The following MAGI2 variants were observed in gnomAD, a reference collection of about 807,000 sequenced individuals.
MAGI2 encodes membrane associated guanylate kinase, WW and PDZ domain containing 2.
In MAGI2, 35 loss-of-function variants were observed where a neutral mutation model predicts 133.3. That is an observed-to-expected ratio of 0.26 (90% CI 0.20 to 0.35). MAGI2 has a LOEUF of 0.35. MAGI2 is among the 10% of genes least tolerant of loss of function. The pLI, the probability that MAGI2 is intolerant of heterozygous loss-of-function variation, is 1.00. For synonymous variants in MAGI2, 729 were observed against 710.6 expected (o/e 1.03, Z -0.41); for missense variants, 1,636 against 1,863.4 (o/e 0.88, Z 2.25).
intron 1 of MAGI2, among the ~76,000 whole-genome samples, chr7:79,358,867 A>G (rs192304972): frequency 1.3e-4 from 20 of 152,214 alleles, no homozygotes; most frequent in Non-Finnish European, 1.9e-4. Context: ...GTCAAGACAC[A>G]TGGGCAAGAC....
intron 6 of MAGI2, among the ~76,000 whole-genome samples, chr7:78,463,096 A>G (rs1355638321): frequency 6.6e-6 from 1 of 152,200 alleles, no homozygotes; most frequent in African/African-American, 2.4e-5. Context: ...TTGAAGAAAA[A>G]GGATGGTTCT....
intron 20 of MAGI2, among the ~76,000 whole-genome samples, chr7:78,114,626 T>C (rs1303458905): frequency 6.6e-6 from 1 of 152,202 alleles, no homozygotes; most frequent in Non-Finnish European, 1.5e-5. Flanking sequence ...AATGGGATTC[T>C]GCAGTGCTGA....
intron 1 of MAGI2, among the ~76,000 whole-genome samples, chr7:79,349,718 T>A (rs1228659856): frequency 6.6e-6 from 1 of 152,086 alleles, no homozygotes; most frequent in Admixed American, 6.6e-5. Context: ...ACCCTTTTCA[T>A]GAAGAATATT....
At chr7:79,357,812 T>A (rs375660542) in intron 1 of MAGI2, among the ~76,000 whole-genome samples, 2 of 152,204 alleles carry the variant, frequency 1.3e-5, no homozygotes, top group African/African-American at 4.8e-5. Flanking sequence ...CTAACCTCTT[T>A]GAATTTTATT....
chr7:78,430,329 A>G (rs1799678159), intron 6 of MAGI2, among the ~76,000 whole-genome samples: 14 of 147,722 alleles, frequency 9.5e-5, no homozygotes. Flanking sequence ...GCATGTAAAT[A>G]TGCATATATA....
intron 9 of MAGI2, among the ~76,000 whole-genome samples, chr7:78,321,738 A>G (rs1314311470): frequency 2.6e-5 from 4 of 152,222 alleles, no homozygotes; most frequent in Admixed American, 6.5e-5. Context: ...AAACACCAAA[A>G]GCAATGGCAA....
At chr7:79,096,730 A>G (rs183646620) in intron 1 of MAGI2, among the ~76,000 whole-genome samples, 43 of 152,264 alleles carry the variant, frequency 2.8e-4, no homozygotes, top group African/African-American at 9.1e-4. Context: ...TACCTCTAAA[A>G]AACCCTAAAT....
intron 1 of MAGI2, among the ~76,000 whole-genome samples, chr7:79,044,061 T>C (rs901198783): frequency 6.6e-6 from 1 of 152,114 alleles, no homozygotes; most frequent in African/African-American, 2.4e-5. Context: ...GTGGGACTGC[T>C]CCCTAACTCA....
intron 1 of MAGI2, chr7:79,411,438 T>C (rs1846134398): frequency 1.3e-5 from 2 of 152,108 alleles, no homozygotes. Context: ...AATAAAAACT[T>C]GTCCTGATGT....
intron 21 of MAGI2, chr7:78,072,902 C>A (rs1814861321): frequency 2.5e-6 from 1 of 398,666 alleles, no homozygotes; most frequent in East Asian, 3.6e-5. Context: ...AAGCAGTCCT[C>A]CTGCCTTGGC....
At chr7:78,195,748 G>A (rs888357407) in intron 11 of MAGI2, among the ~76,000 whole-genome samples, 5 of 152,130 alleles carry the variant, frequency 3.3e-5, no homozygotes, top group Admixed American at 3.3e-4. Flanking sequence ...TCACATACGT[G>A]ATCTTCTTGG....
At chr7:78,939,883 A>T (rs1800834482) in intron 2 of MAGI2, 1 of 152,242 alleles carries the variant, frequency 6.6e-6, no homozygotes, top group African/African-American at 2.4e-5. Context: ...TCATGCTGGC[A>T]GGTAGCTCAC....
intron 21 of MAGI2, among the ~76,000 whole-genome samples, chr7:78,051,341 G>C (rs1811984170): frequency 6.6e-6 from 1 of 152,144 alleles, no homozygotes; most frequent in Non-Finnish European, 1.5e-5. Context: ...ACAGCCCTCT[G>C]TTTCTGAGAA....
At chr7:78,545,482 G>A (rs1388656554) in intron 3 of MAGI2, among the ~76,000 whole-genome samples, 1 of 152,088 alleles carries the variant, frequency 6.6e-6, no homozygotes, top group Non-Finnish European at 1.5e-5. Context: ...AAAGTGCTGG[G>A]ATTACAGGTG....
Position 79,189,686 on chromosome 7 carries a change from C to T in MAGI2, c.302-182480G>A, listed in dbSNP as rs752456480. On this transcript the variant is annotated intron_variant, in intron 1 of 21. Transcript: ENST00000354212. ...TCAAGCTATATATTGTATAGCTCTACGGATTTTGACAAATGTATGACAATT... is the reference window on the plus strand; with the variant it reads ...TCAAGCTATATATTGTATAGCTCTATGGATTTTGACAAATGTATGACAATT... Among the ~76,000 whole-genome samples, 7 of 151,864 alleles carry T rather than the reference C, an allele frequency of 4.6e-5. No homozygotes were observed. The East Asian group carries it at 5.8e-4, about 13-fold the overall frequency.
chr7:78,547,371 C>T (rs1054735399), intron 3 of MAGI2, among the ~76,000 whole-genome samples: 1 of 152,174 alleles, frequency 6.6e-6, no homozygotes, highest in Non-Finnish European at 1.5e-5. Flanking sequence ...CTCCTATCAC[C>T]ATGCAGTTCA....
intron 1 of MAGI2, among the ~76,000 whole-genome samples, chr7:79,452,433 G>A (rs1849349321): frequency 6.6e-6 from 1 of 152,144 alleles, no homozygotes; most frequent in African/African-American, 2.4e-5. Flanking sequence ...AGTTACAGAA[G>A]ACCCGTCAAA....
chr7:78,872,577 C>T (rs977869174), intron 2 of MAGI2, among the ~76,000 whole-genome samples: 3 of 143,008 alleles, frequency 2.1e-5, no homozygotes, highest in Non-Finnish European at 3.2e-5. Context: ...GTGATAGTCC[C>T]GTTTATATCA....
At chr7:78,177,986 T>C (rs1826824260) in intron 14 of MAGI2, 25 bp downstream of exon 14, 3 of 1,538,626 alleles carry the variant, frequency 1.9e-6, no homozygotes, top group Non-Finnish European at 1.8e-6. Flanking sequence ...GCCCCAAGCA[T>C]GGAAATAAAG....
Sources: allele counts gnomAD v4.1 joint callset (sites outside exome capture counted in the v4.1 genomes callset), GRCh38; gene constraint gnomAD v4.1.1; transcripts MANE v1.5; gene names NCBI Gene and HGNC (gene_info 2026-07-23, HGNC 2026-07-21).